Variants in CLIP2 observed in about 807,000 individuals in gnomAD.
CLIP2 encodes the protein CAP-Gly domain-containing linker protein 2.
A neutral mutation model predicts 111.7 loss-of-function variants in CLIP2; 41 were observed. The ratio of observed to expected loss-of-function variants is 0.37; its 90% CI spans 0.29 to 0.48. The LOEUF (loss-of-function observed/expected upper bound fraction) is 0.48, where lower values mean the gene tolerates loss of function less well. Ranked by LOEUF, CLIP2 falls within the 20% of genes least tolerant of loss-of-function variation. CLIP2 has a pLI of 0.99. For missense variants in CLIP2, 1,160 were observed against 1,422.1 expected (o/e 0.82, Z 2.96); for synonymous variants, 660 against 644.2 (o/e 1.02, Z -0.37).
chr7:74,371,817 C>G (rs1790634943), intron 8 of CLIP2, among the ~76,000 whole-genome samples: 1 of 151,834 alleles, frequency 6.6e-6, no homozygotes, highest in Non-Finnish European at 1.5e-5. Flanking sequence ...AAGGAAAATT[C>G]AAGAAATAAA....
At chr7:74,377,912 G>A (rs1554313274) in intron 10 of CLIP2, among the ~76,000 whole-genome samples, 1 of 147,754 alleles carries the variant, frequency 6.8e-6, no homozygotes. Flanking sequence ...TGCAACCTCC[G>A]CCTCCCAGGT....
chr7:74,356,679 A>G, intron 5 of CLIP2, 56 bp downstream of exon 5: 1 of 1,490,060 alleles, frequency 6.7e-7, no homozygotes, highest in Non-Finnish European at 9.2e-7. Flanking sequence ...AGGGGTGAGG[A>G]TGTAAGAGAT....
At chr7:74,399,008 C>T (rs142159770) in intron 14 of CLIP2, among the ~76,000 whole-genome samples, 4 of 151,210 alleles carry the variant, frequency 2.6e-5, no homozygotes, top group Admixed American at 6.6e-5. Flanking sequence ...ACTGTGTCCA[C>T]GGGAGAACTT....
intron 1 of CLIP2, among the ~76,000 whole-genome samples, chr7:74,313,737 C>T (rs1788700866): frequency 6.6e-6 from 1 of 152,136 alleles, no homozygotes; most frequent in African/African-American, 2.4e-5. Context: ...CCAGGCAGCC[C>T]CAGAGCAGGG....
At position 74,308,356 on chromosome 7, in the gene CLIP2, C is replaced by T. The variant is rs957167090; in HGVS notation, c.-67-9124C>T. Among the ~76,000 whole-genome samples, 4 of 152,188 alleles carry T rather than the reference C, an allele frequency of 2.6e-5. No individual in the cohort carries two copies. The East Asian group carries it at 7.7e-4, about 29-fold the overall frequency. On this transcript the variant is annotated intron_variant, in intron 1 of 16. Coordinates refer to ENST00000223398, the MANE Select transcript of CLIP2 (RefSeq NM_003388.5). ...GGAGGCCAGACCGGCTGTGTGATGA[C>T]CTGTGGTGTCTGACCAGCTGGGCTG...
chr7:74,359,103 A>G (rs1288560524), intron 6 of CLIP2, among the ~76,000 whole-genome samples: 1 of 151,632 alleles, frequency 6.6e-6, no homozygotes, highest in Non-Finnish European at 1.5e-5. Flanking sequence ...AGCTGGGACT[A>G]CAGGTGTGTG....
intron 3 of CLIP2, among the ~76,000 whole-genome samples, chr7:74,351,436 A>AG (rs2116595025): frequency 6.6e-6 from 1 of 151,800 alleles, no homozygotes; most frequent in East Asian, 1.9e-4. Context: ...CAAAAAAAAA[A>AG]AAAAAAAAAA....
Position 74,347,721 on chromosome 7 carries a change from A to G in CLIP2, c.679-6159A>G, listed in dbSNP as rs187221675. On this transcript the variant is annotated intron_variant, in intron 3 of 16. Coordinates refer to ENST00000223398, the MANE Select transcript of CLIP2 (RefSeq NM_003388.5). ...TAAGAGAAGGTGATACAGGCATTAAATATGAACAAAAACGCCACTGAATAT... is the reference window on the plus strand; with the variant it reads ...TAAGAGAAGGTGATACAGGCATTAAGTATGAACAAAAACGCCACTGAATAT... Among the ~76,000 whole-genome samples, 49 of 152,364 alleles carry G rather than the reference A, an allele frequency of 3.2e-4. No individual in the cohort carries two copies. The East Asian group carries it at 8.7e-3, about 27-fold the overall frequency.
Position 74,323,650 on chromosome 7 carries a change from C to G in CLIP2, c.121+5983C>G, listed in dbSNP as rs111865437. On this transcript the variant is annotated intron_variant, in intron 2 of 16. Transcript: ENST00000223398. Reference sequence around the variant, plus strand: ...CCATGTTGGCCAGGCTGGTCTCCAACTCCTGACTCAGGTAATCTGCCTGCC... The same window carrying G: ...CCATGTTGGCCAGGCTGGTCTCCAAGTCCTGACTCAGGTAATCTGCCTGCC... 5.0e-3 allele frequency among the ~76,000 whole-genome samples: 754 copies of G among 152,228 alleles called. 8 individuals carry two copies. Among genetic ancestry groups the G allele is most frequent in the African/African-American group, 0.018 (729 of 41,538 alleles).
chr7:74,338,370 TAG>T lies in CLIP2; in HGVS notation c.122-76_122-75del. 2.0e-6 allele frequency: 3 copies of T among 1,492,378 alleles called. No homozygotes were observed. Among genetic ancestry groups the T allele is most frequent in the Non-Finnish European group, 1.8e-6 (2 of 1,105,640 alleles). 92.4% of individuals were successfully genotyped at this position (1,492,378 alleles called of 1,614,324 possible). On this transcript the variant is annotated intron_variant, in intron 2 of 16. Coordinates refer to ENST00000223398, the MANE Select transcript of CLIP2 (RefSeq NM_003388.5). This position sits in a 1 kb window ranked among gnomAD's most constrained non-coding sequence, Gnocchi z 4.3. ...ATACAAATCAGCCACCTCCCAACCC[TAG>T]ACTCTGTGCTCCTGGGGCCACCCAG...
At chr7:74,367,237 C>G in intron 8 of CLIP2, among the ~76,000 whole-genome samples, 1 of 151,936 alleles carries the variant, frequency 6.6e-6, no homozygotes, top group Non-Finnish European at 1.5e-5. Flanking sequence ...GTCACCCAGG[C>G]TGGAGTGCAG....
In CLIP2 at chr7:74,354,729, C is replaced by T. The variant is rs150362910; in HGVS notation, c.803+725C>T. On this transcript the variant is annotated intron_variant, in intron 4 of 16. Coordinates refer to ENST00000223398, the MANE Select transcript of CLIP2 (RefSeq NM_003388.5). ...AAGGTTGCAGTGAGCTGAGATCACGCCATTGCATTCCAGCCTGGGCAATAG... is the reference window on the plus strand; with the variant it reads ...AAGGTTGCAGTGAGCTGAGATCACGTCATTGCATTCCAGCCTGGGCAATAG... Among the ~76,000 whole-genome samples, 1,083 of 152,050 alleles carry T rather than the reference C, an allele frequency of 7.1e-3. 5 individuals carry two copies. The highest frequency in any genetic ancestry group is 0.024 in the African/African-American group (1,014 of 41,464).
In CLIP2 at chr7:74,338,374, CT is replaced by C; in HGVS notation, c.122-73del. 2.0e-6 allele frequency: 3 copies of C among 1,506,250 alleles called. No homozygotes were observed. Among genetic ancestry groups the C allele is most frequent in the Non-Finnish European group, 1.8e-6 (2 of 1,115,382 alleles). The allele number at this position is 1,506,250 out of a possible 1,614,324, so 93.3% of individuals were successfully genotyped here. A position where few individuals can be genotyped will look rare whatever the true frequency, so the allele number is the denominator to read the frequency against. On this transcript the variant is annotated intron_variant, in intron 2 of 16. Transcript: ENST00000223398. This position sits in a 1 kb window ranked among gnomAD's most constrained non-coding sequence, Gnocchi z 4.3. ...AAATCAGCCACCTCCCAACCCTAGA[CT>C]CTGTGCTCCTGGGGCCACCCAGGGG...
At chr7:74,397,958 C>T (rs910941535) in intron 14 of CLIP2, among the ~76,000 whole-genome samples, 4 of 151,568 alleles carry the variant, frequency 2.6e-5, no homozygotes, top group South Asian at 4.2e-4. Context: ...TCAGCCACTG[C>T]GCCCGGTCGA....
chr7:74,393,630 C>T (rs1037772376), intron 13 of CLIP2, among the ~76,000 whole-genome samples: 5 of 151,458 alleles, frequency 3.3e-5, no homozygotes, highest in Non-Finnish European at 7.4e-5. Context: ...GCCACTCTGC[C>T]GGGCCCAGCA....
At chr7:74,363,962 G>A (rs1361950458) in intron 7 of CLIP2, among the ~76,000 whole-genome samples, 1 of 151,690 alleles carries the variant, frequency 6.6e-6, no homozygotes, top group East Asian at 1.9e-4. Context: ...AGAAAACAGT[G>A]TTGTCACTCA....
chr7:74,370,455 C>CAA (rs555830727), intron 8 of CLIP2, among the ~76,000 whole-genome samples: 7 of 82,142 alleles, frequency 8.5e-5, no homozygotes, highest in Admixed American at 2.7e-4. Context: ...GACTCCGTCT[C>CAA]AAAAAAAAAA....
At chr7:74,397,894 C>T (rs1354903346) in intron 14 of CLIP2, among the ~76,000 whole-genome samples, 7 of 151,552 alleles carry the variant, frequency 4.6e-5, no homozygotes, top group Non-Finnish European at 1.0e-4. Flanking sequence ...GTCTCGAACT[C>T]CTGACCTTGT....
chr7:74,372,273 G>C (rs1335366647), intron 8 of CLIP2, among the ~76,000 whole-genome samples: 1 of 152,036 alleles, frequency 6.6e-6, no homozygotes, highest in Non-Finnish European at 1.5e-5. Context: ...GGGCAGCAAT[G>C]GGGCCCGGGA....
Sources: allele counts gnomAD v4.1 joint callset (sites outside exome capture counted in the v4.1 genomes callset), GRCh38; gene constraint gnomAD v4.1.1; non-coding constraint Gnocchi (gnomAD v3.1); transcripts MANE v1.5; gene names NCBI Gene and HGNC (gene_info 2026-07-23, HGNC 2026-07-21).